The following ITSN1 variants were observed in gnomAD, a reference collection of about 807,000 sequenced individuals.
ITSN1 encodes intersectin-1.
A neutral mutation model predicts 239.8 loss-of-function variants in ITSN1; 58 were observed. That is an observed-to-expected ratio of 0.24 (90% confidence interval 0.20 to 0.30). The LOEUF is 0.30. Ranked by LOEUF, ITSN1 falls within the 10% of genes least tolerant of loss-of-function variation. The pLI is 1.00. For missense variants in ITSN1, 1,558 were observed against 2,103.3 expected (o/e 0.74, Z 5.07); for synonymous variants, 780 against 770.8 (o/e 1.01, Z -0.20).
At position 33,878,324 on chromosome 21, in the gene ITSN1, C is replaced by T. The variant is rs143945475; in HGVS notation, c.4341+2803C>T. ...CTGGGATTACAGGTGTGAGCCACCA[C>T]GCCTGGCCAGAAGCCTCTCATTTGG... On this transcript the variant is annotated intron_variant, in intron 34 of 39. Coordinates refer to ENST00000381318, the MANE Select transcript of ITSN1 (RefSeq NM_003024.3). 6.9e-3 allele frequency among the ~76,000 whole-genome samples: 1,047 copies of T among 152,216 alleles called. 10 individuals carry two copies. Among genetic ancestry groups the T allele is most frequent in the African/African-American group, 0.024 (984 of 41,520 alleles).
At chr21:33,642,904 C>T (rs1304741478) in intron 1 of ITSN1, among the ~76,000 whole-genome samples, 191 bp downstream of exon 1, 1 of 151,378 alleles carries the variant, frequency 6.6e-6, no homozygotes, top group Non-Finnish European at 1.5e-5. Context: ...CCTTGTCCTT[C>T]CCGTCCTCGG....
intron 1 of ITSN1, among the ~76,000 whole-genome samples, chr21:33,653,477 C>T (rs961221296): frequency 1.3e-5 from 2 of 152,100 alleles, no homozygotes; most frequent in Admixed American, 6.5e-5. Context: ...TATAAAGGAC[C>T]ATTTTCATTC....
At chr21:33,744,133 A>G (rs964789860) in intron 5 of ITSN1, among the ~76,000 whole-genome samples, 3 of 152,248 alleles carry the variant, frequency 2.0e-5, no homozygotes, top group African/African-American at 7.2e-5. Context: ...TGCACTGTCA[A>G]TTGGATACGA....
intron 33 of ITSN1, among the ~76,000 whole-genome samples, chr21:33,874,587 C>A (rs953579106): frequency 6.6e-6 from 1 of 152,016 alleles, no homozygotes; most frequent in Non-Finnish European, 1.5e-5. Flanking sequence ...GATGCCTGGG[C>A]TCTGCTCCTG....
intron 12 of ITSN1, among the ~76,000 whole-genome samples, chr21:33,773,923 G>A (rs371631464): frequency 5.9e-5 from 9 of 151,918 alleles, no homozygotes; most frequent in South Asian, 2.1e-4. Flanking sequence ...CAGGTGATCC[G>A]CCTGCCTCGG....
At chr21:33,885,626 T>C in intron 38 of ITSN1, 104 bp downstream of exon 38, 2 of 822,810 alleles carry the variant, frequency 2.4e-6, no homozygotes, top group East Asian at 4.9e-5. Flanking sequence ...ATTTCCATAC[T>C]CCCTGATCTC....
At position 33,836,501 on chromosome 21, in the gene ITSN1, A is replaced by G. The variant is rs767532845; in HGVS notation, c.3530A>G (p.Asn1177Ser). ...CAGAATGACGATGAGCTGGCCTTCAACAAGGGCCAGATCATCAACGTCCTC... is the reference window on the plus strand; with the variant it reads ...CAGAATGACGATGAGCTGGCCTTCAGCAAGGGCCAGATCATCAACGTCCTC... Reference protein sequence around the residue: ...TAQNDDELAFNKGQIINVLNK... With the variant: ...TAQNDDELAFSKGQIINVLNK... The change falls in exon 29 of 40, where the codon AAC becomes AGC. Residue 1177 changes from asparagine to serine, a missense_variant. Transcript: ENST00000381318. 3.1e-5 allele frequency: 50 copies of G among 1,613,980 alleles called. No individual in the cohort carries two copies. Among genetic ancestry groups the G allele is most frequent in the African/African-American group, 4.0e-5 (3 of 74,934 alleles).
At chr21:33,873,915 C>G (rs1321529388) in intron 33 of ITSN1, among the ~76,000 whole-genome samples, 2 of 151,792 alleles carry the variant, frequency 1.3e-5, no homozygotes, top group Non-Finnish European at 2.9e-5. Context: ...AATCCCAGCA[C>G]TTTGGGAGGC....
chr21:33,658,501 T>C (rs2300376), intron 1 of ITSN1, among the ~76,000 whole-genome samples: 91,637 of 152,064 alleles, frequency 0.6, 27,907 homozygotes, highest in East Asian at 0.72. Flanking sequence ...GTATTTACAG[T>C]GGTATTTGTG....
At chr21:33,704,600 G>A (rs2092162824) in intron 1 of ITSN1, among the ~76,000 whole-genome samples, 1 of 152,050 alleles carries the variant, frequency 6.6e-6, no homozygotes, top group Non-Finnish European at 1.5e-5. Flanking sequence ...GGCTAATATA[G>A]GTCAGGTGTA....
chr21:33,844,723 G>A (rs987347549), intron 29 of ITSN1, among the ~76,000 whole-genome samples: 2 of 152,008 alleles, frequency 1.3e-5, no homozygotes, highest in Admixed American at 6.6e-5. Flanking sequence ...CCTGCAGTCC[G>A]CCCCAGCAGA....
intron 1 of ITSN1, among the ~76,000 whole-genome samples, chr21:33,672,585 T>C (rs2090353083): frequency 2.0e-5 from 3 of 152,100 alleles, no homozygotes; most frequent in Admixed American, 1.3e-4. Flanking sequence ...CCTCAGAACA[T>C]TAAAAATAGA....
rs963669502 is a variant in ITSN1, at chr21:33,894,112, G to A, written c.*5812G>A. On this transcript the variant is annotated 3_prime_UTR_variant, in exon 40 of 40. Coordinates refer to ENST00000381318, the MANE Select transcript of ITSN1 (RefSeq NM_003024.3). The stretch of plus-strand genomic sequence containing the variant: ...GCCTGCCTTGGTGGCATTCAAGCAA[G>A]CCTAATTGGATTAGGTTGGTGCAAA... 4 of 152,258 alleles carry A rather than the reference G, an allele frequency of 2.6e-5. No homozygotes were observed. Among genetic ancestry groups the A allele is most frequent in the African/African-American group, 9.6e-5 (4 of 41,462 alleles). The allele number at this position is 152,258 out of a possible 1,614,324, so 9.4% of individuals were successfully genotyped here.
rs578025983 is a variant in ITSN1, at chr21:33,709,790, T to C, written c.-32-9007T>C. ...TTTCTAGATTCTCTGGGATTTTCTA[T>C]ATAAATAGTGATATCTGTAAATAAG... On this transcript the variant is annotated intron_variant, in intron 1 of 39. Transcript: ENST00000381318. 2.6e-5 allele frequency among the ~76,000 whole-genome samples: 4 copies of C among 152,306 alleles called. No homozygotes were observed. The South Asian group carries it at 8.3e-4, about 32-fold the overall frequency.
intron 1 of ITSN1, among the ~76,000 whole-genome samples, chr21:33,690,848 A>T (rs1390035677): frequency 5.6e-5 from 4 of 71,682 alleles, no homozygotes; most frequent in African/African-American, 2.8e-4. Context: ...TGTAAAAGTT[A>T]AAAAAAAAAA....
At chr21:33,859,047 G>T (rs534395633) in intron 31 of ITSN1, among the ~76,000 whole-genome samples, 70 of 152,280 alleles carry the variant, frequency 4.6e-4, no homozygotes, top group African/African-American at 1.7e-3. Flanking sequence ...GAATTACTGT[G>T]GTTGTGAATT....
intron 29 of ITSN1, among the ~76,000 whole-genome samples, chr21:33,845,956 T>TG (rs989393746): frequency 1.7e-4 from 26 of 152,114 alleles, no homozygotes; most frequent in African/African-American, 6.3e-4. Context: ...CAGGAAGGGA[T>TG]GGGGGTGCAG....
In ITSN1 at chr21:33,882,198, G is replaced by A. The variant is rs746160506; in HGVS notation, c.4342-45G>A. 4 of 1,566,016 alleles carry A rather than the reference G, an allele frequency of 2.6e-6. No homozygotes were observed. Among genetic ancestry groups the A allele is most frequent in the Non-Finnish European group, 3.5e-6 (4 of 1,143,344 alleles). ...GATGGAGCCCATGCTTTCAGATGCGGAGAAACAAAAATGCTACACTTTGGG... is the reference window on the plus strand; with the variant it reads ...GATGGAGCCCATGCTTTCAGATGCGAAGAAACAAAAATGCTACACTTTGGG... On this transcript the variant is annotated intron_variant, in intron 34 of 39. Coordinates refer to ENST00000381318, the MANE Select transcript of ITSN1 (RefSeq NM_003024.3). The surrounding 1 kb of genome is among the most constrained non-coding windows in gnomAD (Gnocchi z 4.5).
At chr21:33,884,763 G>A (rs1276443929) in intron 36 of ITSN1, among the ~76,000 whole-genome samples, 3 of 152,148 alleles carry the variant, frequency 2.0e-5, no homozygotes, top group Non-Finnish European at 4.4e-5. Context: ...GTCGTGTCCC[G>A]ATGTTGCCTC....
Sources: allele counts gnomAD v4.1 joint callset (sites outside exome capture counted in the v4.1 genomes callset), GRCh38; gene constraint gnomAD v4.1.1; non-coding constraint Gnocchi (gnomAD v3.1); transcripts MANE v1.5; gene names NCBI Gene and HGNC (gene_info 2026-07-23, HGNC 2026-07-21).